The following ANKRD26 variants were observed in gnomAD, a reference collection of about 807,000 sequenced individuals.
ANKRD26 encodes the protein ankyrin repeat domain 26, also known as ankyrin repeat domain-containing protein 26.
Under a neutral mutation model 208.7 loss-of-function variants are expected in ANKRD26, and 141 were observed. The observed-to-expected ratio is 0.68, with a 90% CI of 0.59 to 0.78. The LOEUF (loss-of-function observed/expected upper bound fraction) is 0.78, where lower values mean the gene tolerates loss of function less well. Among genes scored for constraint, ANKRD26 ranks in the 30% least tolerant of loss-of-function variants. ANKRD26 has a pLI of 0.00. For missense variants in ANKRD26, 1,889 were observed against 1,938.7 expected (o/e 0.97, Z 0.48); for synonymous variants, 636 against 660.4 (o/e 0.96, Z 0.57).
At chr10:27,097,553 A>G (rs900171311) in intron 1 of ANKRD26, among the ~76,000 whole-genome samples, 1 of 152,224 alleles carries the variant, frequency 6.6e-6, no homozygotes, top group Non-Finnish European at 1.5e-5. Flanking sequence ...AAAGAATGGA[A>G]AAATCATTAG....
At chr10:27,000,905 G>A (rs1474251655), downstream of ANKRD26, among the ~76,000 whole-genome samples, 1 of 152,174 alleles carries the variant, frequency 6.6e-6, no homozygotes, top group Non-Finnish European at 1.5e-5. Flanking sequence ...CTACTGGGGA[G>A]GCTGAGGCAG....
rs1169489199 is a variant in ANKRD26 at position 27,004,918 on chromosome 10, T to C, written c.*672A>G. On this transcript the variant is annotated 3_prime_UTR_variant, in exon 34 of 34. Coordinates refer to ENST00000376087, the MANE Select transcript of ANKRD26 (RefSeq NM_014915.3). ...AGGTTTGCACTGTAGTTATGTAGAA[T>C]GTCCTGACTTGTAGGAATGCCCACT... is the stretch of plus-strand genomic sequence containing the variant. 2 of 446,880 alleles carry C rather than the reference T, an allele frequency of 4.5e-6. No homozygotes were observed. The highest frequency in any genetic ancestry group is 3.0e-6 in the Non-Finnish European group (1 of 338,116). 27.7% of individuals were successfully genotyped at this position (446,880 alleles called of 1,614,324 possible).
Position 27,005,230 on chromosome 10 carries a change from A to G in ANKRD26, c.*360T>C. Reference sequence around the variant, plus strand: ...ACAATGACCACAGTTCCTGCACAACAAAATGATGTCTAAGTCCAATTAGAC... The same window carrying G: ...ACAATGACCACAGTTCCTGCACAACGAAATGATGTCTAAGTCCAATTAGAC... On this transcript the variant is annotated 3_prime_UTR_variant, in exon 34 of 34. Transcript: ENST00000376087. 2.0e-6 allele frequency: 2 copies of G among 1,009,274 alleles called. No individual in the cohort carries two copies. Among genetic ancestry groups the G allele is most frequent in the Non-Finnish European group, 1.2e-6 (1 of 844,848 alleles). The allele number at this position is 1,009,274 out of a possible 1,614,324, so 62.5% of individuals were successfully genotyped here.
chr10:26,949,005 C>G, the ANKRD26 span, among the ~76,000 whole-genome samples: 1 of 151,948 alleles, frequency 6.6e-6, no homozygotes, highest in Admixed American at 6.6e-5. Context: ...AAAAAAAATG[C>G]ATTATTAAAT....
rs2052815170 is a variant in ANKRD26 at position 27,004,861 on chromosome 10, T to C, written c.*729A>G. On this transcript the variant is annotated 3_prime_UTR_variant, in exon 34 of 34. Transcript: ENST00000376087. Reference sequence around the variant, plus strand: ...AGGACATTACAGAGAAGTAACAAACTAGAATGTATTAATGTTGACTTTCTG... The same window carrying C: ...AGGACATTACAGAGAAGTAACAAACCAGAATGTATTAATGTTGACTTTCTG... 5.4e-6 allele frequency: 1 copy of C among 183,654 alleles called. No homozygotes were observed. The highest frequency in any genetic ancestry group is 2.4e-5 in the African/African-American group (1 of 42,012). 11.4% of individuals were successfully genotyped at this position (183,654 alleles called of 1,614,324 possible). A position where few individuals can be genotyped will look rare whatever the true frequency, so the allele number is the denominator to read the frequency against.
chr10:27,076,505 T>C (rs1315407362), intron 9 of ANKRD26, among the ~76,000 whole-genome samples: 1 of 152,142 alleles, frequency 6.6e-6, no homozygotes, highest in Non-Finnish European at 1.5e-5. Context: ...CCTCAGGTGA[T>C]CTGCCCGTCT....
rs543002482 is a variant in ANKRD26, at chr10:26,975,547, G to A, written c.*777C>T. On this transcript the variant is annotated 3_prime_UTR_variant and NMD_transcript_variant, in exon 6 of 6. Coordinates refer to the ANKRD26 transcript ENST00000674670. ...CTGCCCTCTGCACACAGTTTCTAAA[G>A]AGGAGCTCTACAGGCCTGGCATCGT... Among the ~76,000 whole-genome samples, 565 of 151,824 alleles carry A rather than the reference G, an allele frequency of 3.7e-3. 5 individuals carry two copies. Among genetic ancestry groups the A allele is most frequent in the Non-Finnish European group, 6.1e-3 (417 of 67,938 alleles).
At chr10:27,010,125 ATTT>A (rs2053042800) in intron 32 of ANKRD26, among the ~76,000 whole-genome samples, 1 of 152,166 alleles carries the variant, frequency 6.6e-6, no homozygotes, top group Non-Finnish European at 1.5e-5. Context: ...GTTTCATGCC[ATTT>A]TTTAAAAGTT....
At chr10:27,093,312 T>C (rs2056359349) in intron 3 of ANKRD26, 37 bp downstream of exon 3, 4 of 1,593,428 alleles carry the variant, frequency 2.5e-6, no homozygotes, top group Non-Finnish European at 3.4e-6. Context: ...ACAAACGCAT[T>C]TCAAATACTG....
intron 13 of ANKRD26, 42 bp downstream of exon 13, chr10:27,061,102 G>A (rs773407189): frequency 2.2e-6 from 3 of 1,366,748 alleles, no homozygotes; most frequent in South Asian, 1.2e-5. Context: ...ATATACACTT[G>A]TAGAATAACA....
downstream of ANKRD26, among the ~76,000 whole-genome samples, chr10:26,969,812 T>G (rs78290151): frequency 1.1e-4 from 12 of 111,382 alleles, no homozygotes; most frequent in South Asian, 2.8e-3. Context: ...TTACTTTCTG[T>G]TTTTTTTTTT....
At chr10:27,086,445 T>C in intron 5 of ANKRD26, 94 bp downstream of exon 5, 2 of 1,525,376 alleles carry the variant, frequency 1.3e-6, no homozygotes, top group Non-Finnish European at 1.8e-6. Context: ...TACACTGATT[T>C]TTAAAACTGC....
intron 9 of ANKRD26, among the ~76,000 whole-genome samples, chr10:27,073,762 A>G (rs1438541308): frequency 6.6e-6 from 1 of 152,254 alleles, no homozygotes; most frequent in African/African-American, 2.4e-5. Flanking sequence ...TTTTAAGTGC[A>G]CAACACTGGA....
chr10:26,958,199 C>A, the ANKRD26 span, among the ~76,000 whole-genome samples: 104 of 152,162 alleles, frequency 6.8e-4, no homozygotes, highest in African/African-American at 2.4e-3. Flanking sequence ...TCTCCTGTCT[C>A]AGCCTCTCAA....
At chr10:26,958,386 C>T in the ANKRD26 span, among the ~76,000 whole-genome samples, 2 of 152,036 alleles carry the variant, frequency 1.3e-5, no homozygotes, top group Non-Finnish European at 2.9e-5. Flanking sequence ...GTGTTCAGCC[C>T]CGATCACCCA....
At chr10:26,987,692 G>T (rs754274999), downstream of ANKRD26, among the ~76,000 whole-genome samples, 1 of 152,162 alleles carries the variant, frequency 6.6e-6, no homozygotes, top group Non-Finnish European at 1.5e-5. Context: ...GACTATTACA[G>T]TGGGATGAGG....
At chr10:26,961,250 A>C in the ANKRD26 span, among the ~76,000 whole-genome samples, 12 of 152,150 alleles carry the variant, frequency 7.9e-5, no homozygotes, top group South Asian at 2.5e-3. Flanking sequence ...GACTTTCAAC[A>C]TGCAAGATCT....
intron 31 of ANKRD26, 110 bp from the exon 32 acceptor site, chr10:27,013,220 T>A: frequency 1.1e-6 from 1 of 912,504 alleles, no homozygotes; most frequent in African/African-American, 1.6e-5. Flanking sequence ...AAATTTCCCA[T>A]TAACCAGTAT....
chr10:27,074,857 G>C (rs537667194), intron 9 of ANKRD26, among the ~76,000 whole-genome samples: 1 of 151,614 alleles, frequency 6.6e-6, no homozygotes, highest in Non-Finnish European at 1.5e-5. Context: ...ACCTGTAAAG[G>C]AAAACCTATC....
Sources: gnomAD v4.1 joint callset for allele counts (sites outside exome capture counted in the v4.1 genomes callset) on GRCh38, gnomAD v4.1.1 for gene constraint, MANE v1.5 for transcripts, NCBI Gene and HGNC (gene_info 2026-07-23, HGNC 2026-07-21) for gene names.